Variants in TUBA1C observed in about 807,000 individuals in gnomAD.
TUBA1C encodes tubulin alpha 1c.
TUBA1C carries 16 observed loss-of-function variants against 34.9 expected under a neutral mutation model. The ratio of observed to expected loss-of-function variants is 0.46; its 90% CI spans 0.31 to 0.70. The LOEUF is 0.70. Ranked by LOEUF, TUBA1C falls within the 30% of genes least tolerant of loss-of-function variation. The pLI, the probability that TUBA1C is intolerant of heterozygous loss-of-function variation, is 0.05. For missense variants in TUBA1C, 329 were observed against 587.3 expected, an observed-to-expected ratio of 0.56 and a Z score of 4.55; for synonymous variants, 177 against 215.9, an observed-to-expected ratio of 0.82 and a Z score of 1.58.
upstream of TUBA1C, chr12:49,265,070 G>C: frequency 7.2e-7 from 1 of 1,385,782 alleles, no homozygotes; most frequent in Non-Finnish European, 9.5e-7. Context: ...CTTCGGGGCC[G>C]GCCACCCTTT....
chr12:49,245,185 G>A (rs191328741), intron 1 of TUBA1C, among the ~76,000 whole-genome samples: 2 of 152,232 alleles, frequency 1.3e-5, no homozygotes, highest in East Asian at 1.9e-4. Context: ...AGGGTGAAAC[G>A]TCCAGCTATG....
chr12:49,269,187 G>T (rs1592287596), intron 1 of TUBA1C, among the ~76,000 whole-genome samples: 1 of 152,092 alleles, frequency 6.6e-6, no homozygotes, highest in African/African-American at 2.4e-5. Flanking sequence ...AGCCTCCCAA[G>T]TAGCTGGGAC....
intron 1 of TUBA1C, among the ~76,000 whole-genome samples, chr12:49,242,670 T>C (rs1395268075): frequency 1.3e-5 from 2 of 152,078 alleles, no homozygotes; most frequent in Admixed American, 1.3e-4. Context: ...TTGTTATTTA[T>C]ACAGACAGGG....
rs1271059804 is a variant in TUBA1C, at chr12:49,269,452, C to G, written c.4-13C>G. Reference sequence around the variant, plus strand: ...GTATTATACCCTGACATTTTCCTTTCTTCCTCCCACAGCGTGAGTGCATCT... The same window carrying G: ...GTATTATACCCTGACATTTTCCTTTGTTCCTCCCACAGCGTGAGTGCATCT... On this transcript the variant is annotated splice_polypyrimidine_tract_variant and intron_variant, in intron 1 of 3. Coordinates refer to ENST00000301072, the MANE Select transcript of TUBA1C (RefSeq NM_032704.5). 1.2e-6 allele frequency: 2 copies of G among 1,614,140 alleles called. No homozygotes were observed. The highest frequency in any genetic ancestry group is 2.2e-5 in the South Asian group (2 of 91,080).
chr12:49,259,729 G>A (rs1047432032), intron 1 of TUBA1C, among the ~76,000 whole-genome samples: 2 of 152,128 alleles, frequency 1.3e-5, no homozygotes, highest in South Asian at 2.1e-4. Context: ...AGAAGAGACC[G>A]GTTTCACCTC....
chr12:49,242,231 T>C (rs1942624900), intron 1 of TUBA1C, among the ~76,000 whole-genome samples: 1 of 152,026 alleles, frequency 6.6e-6, no homozygotes, highest in Non-Finnish European at 1.5e-5. Context: ...CCTCAAGCAA[T>C]TCACCTGTCT....
chr12:49,266,444 C>A (rs544998969), intron 1 of TUBA1C, among the ~76,000 whole-genome samples: 54 of 151,490 alleles, frequency 3.6e-4, no homozygotes, highest in African/African-American at 1.2e-3. Context: ...CAAAAAAAAA[C>A]CCGCAAACCC....
At chr12:49,270,933 C>G (rs1440659436) in intron 3 of TUBA1C, among the ~76,000 whole-genome samples, 1 of 151,966 alleles carries the variant, frequency 6.6e-6, no homozygotes, top group Non-Finnish European at 1.5e-5. Flanking sequence ...GAGCCGAGAT[C>G]GTGCCACTGC....
rs551567351 is a variant in TUBA1C, at chr12:49,265,130, G to C, written c.-52G>C. ...GGTAGTCTGTTAGTGGGAGATCCTT[G>C]TTGCCGTCCCTTCGCCTCCTTCACC... On this transcript the variant is annotated 5_prime_UTR_variant, in exon 1 of 4. Coordinates refer to ENST00000301072, the MANE Select transcript of TUBA1C (RefSeq NM_032704.5). The C allele has an allele frequency of 1.3e-6, 2 of 1,591,070 alleles. No homozygotes were observed.
chr12:49,230,739 G>A (rs1454672463), intron 1 of TUBA1C, among the ~76,000 whole-genome samples: 1 of 152,176 alleles, frequency 6.6e-6, no homozygotes, highest in Non-Finnish European at 1.5e-5. Context: ...AGGTTGCAAG[G>A]CTCAAAGCAG....
chr12:49,231,065 G>A (rs971826915), intron 1 of TUBA1C, among the ~76,000 whole-genome samples: 2 of 152,172 alleles, frequency 1.3e-5, no homozygotes, highest in African/African-American at 4.8e-5. Context: ...CTGTTTTCTG[G>A]CTATAAAGTA....
At chr12:49,247,704 T>C (rs781264307) in intron 1 of TUBA1C, among the ~76,000 whole-genome samples, 4 of 152,070 alleles carry the variant, frequency 2.6e-5, no homozygotes, top group Non-Finnish European at 4.4e-5. Flanking sequence ...TCCCAGCACT[T>C]TGGGAGGCCA....
At chr12:49,268,823 G>C (rs974083094) in intron 1 of TUBA1C, among the ~76,000 whole-genome samples, 1 of 152,116 alleles carries the variant, frequency 6.6e-6, no homozygotes, top group Admixed American at 6.5e-5. Context: ...GGATTAAAGC[G>C]GGACCAGAAT....
intron 1 of TUBA1C, 94 bp from the exon 2 acceptor site, chr12:49,269,371 G>A: frequency 6.4e-7 from 1 of 1,573,270 alleles, no homozygotes; most frequent in Non-Finnish European, 8.6e-7. Context: ...CCAGTTATCT[G>A]TCTTGAAGGT....
chr12:49,265,240 C>T (rs1565648120), intron 1 of TUBA1C, 56 bp downstream of exon 1: 15 of 1,498,496 alleles, frequency 1.0e-5, no homozygotes, highest in Middle Eastern at 1.8e-4. Context: ...GGACGGCGGG[C>T]CCGGAAACTA....
At chr12:49,271,965 TAAA>T (rs1942996743) in intron 3 of TUBA1C, among the ~76,000 whole-genome samples, 1 of 150,192 alleles carries the variant, frequency 6.7e-6, no homozygotes, top group Non-Finnish European at 1.5e-5. Flanking sequence ...ACTTAGCACT[TAAA>T]AGCTTTTTTT....
In TUBA1C at chr12:49,269,626, A is replaced by G. The variant is rs115048428; in HGVS notation, c.165A>G (p.Glu55=). The change falls in exon 2 of 4, where the codon GAA becomes GAG. Residue 55 remains glutamate, a synonymous_variant. Coordinates refer to ENST00000301072, the MANE Select transcript of TUBA1C (RefSeq NM_032704.5). ...GDDSFNTFFS[E]TGAGKHVPRA... ...ATTCCTTCAACACCTTCTTCAGTGAAACGGGTGCTGGCAAGCATGTGCCCC... is the reference window on the plus strand; with the variant it reads ...ATTCCTTCAACACCTTCTTCAGTGAGACGGGTGCTGGCAAGCATGTGCCCC... 3,066 of 1,613,772 alleles carry G rather than the reference A, an allele frequency of 1.9e-3. 48 individuals carry two copies. In the African/African-American group the frequency reaches 0.035, roughly 18 times the overall value.
upstream of TUBA1C, among the ~76,000 whole-genome samples, chr12:49,262,343 A>C (rs1942848650): frequency 6.7e-6 from 1 of 148,712 alleles, no homozygotes; most frequent in African/African-American, 2.5e-5. Context: ...CTTGAGCCCA[A>C]AAAGTCGAGG....
At chr12:49,254,464 A>C (rs2137005251) in intron 1 of TUBA1C, among the ~76,000 whole-genome samples, 1 of 144,060 alleles carries the variant, frequency 6.9e-6, no homozygotes. Flanking sequence ...CCTGGGCAAC[A>C]GAGCGAGGCT....
Sources: allele counts gnomAD v4.1 joint callset (sites outside exome capture counted in the v4.1 genomes callset), GRCh38; gene constraint gnomAD v4.1.1; transcripts MANE v1.5; gene names NCBI Gene and HGNC (gene_info 2026-07-23, HGNC 2026-07-21).